TMEM67: variants seen among roughly 807,000 people sequenced by gnomAD.
TMEM67 encodes meckelin.
TMEM67 carries 124 observed loss-of-function variants against 136.6 expected under a neutral mutation model. That is an observed-to-expected ratio of 0.91 (90% confidence interval 0.78 to 1.05). The LOEUF is 1.05. TMEM67 is among the 50% of genes least tolerant of loss of function. TMEM67 has a pLI of 0.00. For missense variants in TMEM67, 1,107 were observed against 1,178.4 expected (o/e 0.94, Z 0.89); for synonymous variants, 364 against 390.5 (o/e 0.93, Z 0.80).
At chr8:93,772,742 G>C in intron 7 of TMEM67, 91 bp downstream of exon 7, 1 of 921,480 alleles carries the variant, frequency 1.1e-6, no homozygotes, top group East Asian at 2.7e-5. Context: ...TTTCTAAGTA[G>C]CTATAGCTTC....
At chr8:93,813,242 A>T (rs2130793314) in intron 26 of TMEM67, among the ~76,000 whole-genome samples, 1 of 151,732 alleles carries the variant, frequency 6.6e-6, no homozygotes, top group Non-Finnish European at 1.5e-5. Flanking sequence ...GCAGTGGCAC[A>T]ATCTCGGCTC....
chr8:93,789,360 A>T (rs192289577), intron 14 of TMEM67, among the ~76,000 whole-genome samples: 1 of 152,300 alleles, frequency 6.6e-6, no homozygotes, highest in Admixed American at 6.5e-5. Context: ...GGAGAAGAAA[A>T]TCCAAAACAT....
chr8:93,812,530 C>T (rs1199458874), intron 26 of TMEM67, among the ~76,000 whole-genome samples: 1 of 152,198 alleles, frequency 6.6e-6, no homozygotes, highest in Non-Finnish European at 1.5e-5. Context: ...TCAAAGTCTT[C>T]TGGTCTTGGA....
At chr8:93,809,709 C>A (rs76257474) in intron 25 of TMEM67, 76 bp from the exon 26 acceptor site, 3 of 860,968 alleles carry the variant, frequency 3.5e-6, no homozygotes, top group South Asian at 1.5e-5. Context: ...ATTTTCTCTC[C>A]TGCTGATTTT....
Position 93,808,945 on chromosome 8 carries a change from A to G in TMEM67, c.2545A>G (p.Thr849Ala). Residue 849 changes from threonine to alanine, a missense_variant, in exon 24 of 28, where the codon ACA (threonine) becomes GCA (alanine). By Grantham distance (58) the Thr-to-Ala change is moderately conservative (BLOSUM62 0). Transcript: ENST00000453321. ...ACAACATTATGACAGAATTCATGAG[A>G]CACTAATAAGGGTTTGTATAAAGTA... ...MRQHYDRIHE[T>A]LIRKNGPARL... 1 of 1,598,438 alleles carries G rather than the reference A, an allele frequency of 6.3e-7. No homozygotes were observed. Among genetic ancestry groups the G allele is most frequent in the Non-Finnish European group, 8.6e-7 (1 of 1,165,982 alleles).
the TMEM67 span, among the ~76,000 whole-genome samples, chr8:93,830,389 A>T: frequency 6.6e-6 from 1 of 152,310 alleles, no homozygotes; most frequent in East Asian, 1.9e-4. Context: ...AAATTAACCC[A>T]ACCCAAAGAG....
intron 15 of TMEM67, among the ~76,000 whole-genome samples, chr8:93,792,624 A>G (rs1435774255): frequency 6.6e-6 from 1 of 152,068 alleles, no homozygotes; most frequent in Admixed American, 6.6e-5. Context: ...CTTTGCTCAC[A>G]TTATTTATTC....
chr8:93,800,774 A>G (rs1251154018), intron 21 of TMEM67, among the ~76,000 whole-genome samples: 2 of 152,150 alleles, frequency 1.3e-5, no homozygotes, highest in African/African-American at 2.4e-5. Context: ...TAGTAATAGG[A>G]CAGACTCTTT....
intron 6 of TMEM67, among the ~76,000 whole-genome samples, chr8:93,771,443 C>A (rs551940503): frequency 6.6e-6 from 1 of 152,070 alleles, no homozygotes; most frequent in South Asian, 2.1e-4. Context: ...TTTCTCTATA[C>A]CATGTTCCAG....
rs575873480 is a variant in TMEM67, at chr8:93,785,865, G to A, written c.1289-358G>A. ...AAGACGAGAGAATTGCTTGAGCCTA[G>A]AAATTGAAGACCAACCTAGGCAACA... is the stretch of plus-strand genomic sequence containing the variant. On this transcript the variant is annotated intron_variant, in intron 12 of 27. Transcript: ENST00000453321. The A allele has an allele frequency of 7.4e-5, 19 of 256,274 alleles. No individual in the cohort carries two copies. In the East Asian group the frequency reaches 1.8e-3, roughly 24 times the overall value. The allele number at this position is 256,274 out of a possible 1,614,324, so 15.9% of individuals were successfully genotyped here. A position where few individuals can be genotyped will look rare whatever the true frequency, so the allele number is the denominator to read the frequency against.
At chr8:93,761,746 T>C (rs1812845241) in intron 3 of TMEM67, among the ~76,000 whole-genome samples, 1 of 152,238 alleles carries the variant, frequency 6.6e-6, no homozygotes, top group Non-Finnish European at 1.5e-5. Context: ...TTCATTCATC[T>C]ACAAATGTTT....
At chr8:93,762,752 G>A (rs1812905589) in intron 3 of TMEM67, among the ~76,000 whole-genome samples, 1 of 151,978 alleles carries the variant, frequency 6.6e-6, no homozygotes, top group African/African-American at 2.4e-5. Flanking sequence ...GTGTCTCTGT[G>A]TGTGCACATT....
chr8:93,754,860 C>G, upstream of TMEM67: 1 of 1,549,138 alleles, frequency 6.5e-7, no homozygotes, highest in South Asian at 1.1e-5. Flanking sequence ...CTCAGCGAAG[C>G]CGCCGCAGAG....
intron 21 of TMEM67, among the ~76,000 whole-genome samples, chr8:93,801,987 C>A (rs1433735678): frequency 6.6e-6 from 1 of 152,136 alleles, no homozygotes; most frequent in African/African-American, 2.4e-5. Flanking sequence ...ATATCAGATT[C>A]ATCTGGATGT....
At chr8:93,787,806 A>C in intron 13 of TMEM67, 38 bp from the exon 14 acceptor site, 1 of 1,454,748 alleles carries the variant, frequency 6.9e-7, no homozygotes, top group East Asian at 2.3e-5. Context: ...AAAGGCCCGG[A>C]TATACTGATT....
chr8:93,785,221 G>T lies in TMEM67; in HGVS notation c.1132-1G>T, dbSNP rs762114240. ...CTTTTATTTTTAATTTTACTTTTCA[G>T]TGTGAGATTCCTATCTCTAAGATCT... On this transcript the variant is annotated splice_acceptor_variant, in intron 11 of 27. Transcript: ENST00000453321. LOFTEE classifies it high-confidence loss of function. The T allele has an allele frequency of 1.3e-6, 2 of 1,559,068 alleles. No homozygotes were observed. Among genetic ancestry groups the T allele is most frequent in the Non-Finnish European group, 1.8e-6 (2 of 1,132,240 alleles).
chr8:93,775,092 T>C (rs1410927768), intron 7 of TMEM67, among the ~76,000 whole-genome samples: 1 of 152,274 alleles, frequency 6.6e-6, no homozygotes, highest in Non-Finnish European at 1.5e-5. Flanking sequence ...TTGATTTACA[T>C]TTCTCTGATG....
At chr8:93,770,972 G>A (rs1430883599) in intron 6 of TMEM67, among the ~76,000 whole-genome samples, 1 of 150,746 alleles carries the variant, frequency 6.6e-6, no homozygotes, top group Admixed American at 6.6e-5. Context: ...CCAAGATCGC[G>A]CCATTGCACT....
At position 93,808,946 on chromosome 8, in the gene TMEM67, C is replaced by A; in HGVS notation, c.2546C>A (p.Thr849Lys). 1 of 1,595,948 alleles carries A rather than the reference C, an allele frequency of 6.3e-7. No individual in the cohort carries two copies. The highest frequency in any genetic ancestry group is 8.6e-7 in the Non-Finnish European group (1 of 1,163,840). The change falls in exon 24 of 28, where the codon ACA (threonine) becomes AAA (lysine). Residue 849 changes from threonine to lysine, a missense_variant. This residue lies in a region of TMEM67 where 925 missense variants were observed against 1,002.4 expected (regional missense o/e 0.92). Transcript: ENST00000453321. ...MRQHYDRIHE[T>K]LIRKNGPARL... is the part of the protein sequence containing the mutation. ...CAACATTATGACAGAATTCATGAGA[C>A]ACTAATAAGGGTTTGTATAAAGTAC...
Sources: allele counts gnomAD v4.1 joint callset (sites outside exome capture counted in the v4.1 genomes callset), GRCh38; gene constraint gnomAD v4.1.1; regional missense constraint gnomAD v4.1.1; transcripts MANE v1.5; gene names NCBI Gene and HGNC (gene_info 2026-07-23, HGNC 2026-07-21).